Variants in ATXN3 observed in about 807,000 individuals in gnomAD.
ATXN3 encodes the protein ataxin 3, also known as ataxin-3.
In ATXN3, 28 loss-of-function variants were observed where a neutral mutation model predicts 58.2. The observed-to-expected ratio is 0.48, with a 90% CI of 0.36 to 0.66. ATXN3 has a LOEUF of 0.66. Among genes scored for constraint, ATXN3 ranks in the 30% least tolerant of loss-of-function variants. ATXN3 has a pLI of 0.00. For missense variants in ATXN3, 321 were observed against 422.1 expected (o/e 0.76, Z 2.10); for synonymous variants, 113 against 138.5 (o/e 0.82, Z 1.29).
chr14:92,099,870 CAGAAAGACA>C (rs199526025), intron 1 of ATXN3, among the ~76,000 whole-genome samples: 28 of 139,336 alleles, frequency 2.0e-4, no homozygotes, highest in Admixed American at 5.1e-4. Flanking sequence ...CCAAGAAAGA[CAGAAAGACA>C]AGAAAGACAA....
chr14:92,052,686 C>T (rs1366469581), upstream of ATXN3, among the ~76,000 whole-genome samples: 3 of 152,120 alleles, frequency 2.0e-5, no homozygotes, highest in Non-Finnish European at 4.4e-5. Flanking sequence ...TGCACACCAG[C>T]CAGCAGTCAG....
At chr14:92,086,131 G>C (rs1044077443) in intron 6 of ATXN3, among the ~76,000 whole-genome samples, 1 of 151,924 alleles carries the variant, frequency 6.6e-6, no homozygotes, top group African/African-American at 2.4e-5. Flanking sequence ...AAGATGGCTA[G>C]GCAAGGTGAC....
At chr14:92,072,466 G>A (rs188945804) in intron 9 of ATXN3, among the ~76,000 whole-genome samples, 3 of 152,238 alleles carry the variant, frequency 2.0e-5, no homozygotes, top group African/African-American at 7.2e-5. Flanking sequence ...CAAAAGAGGT[G>A]CTCAGTGGAA....
chr14:92,093,847 G>C lies in ATXN3; in HGVS notation c.235-16C>G. Reference sequence around the variant, plus strand: ...TGCTTATAACCTGTTAAGAAAAATAGCAACTTTTCATAAGCTAAACCACTC... The same window carrying C: ...TGCTTATAACCTGTTAAGAAAAATACCAACTTTTCATAAGCTAAACCACTC... On this transcript the variant is annotated splice_polypyrimidine_tract_variant and intron_variant, in intron 3 of 10. Coordinates refer to ENST00000644486, the MANE Select transcript of ATXN3 (RefSeq NM_004993.6). The C allele has an allele frequency of 6.5e-7, 1 of 1,541,464 alleles. No homozygotes were observed. The highest frequency in any genetic ancestry group is 9.0e-7 in the Non-Finnish European group (1 of 1,114,992).
At chr14:92,087,204 T>G (rs1184460508) in intron 6 of ATXN3, among the ~76,000 whole-genome samples, 1 of 152,186 alleles carries the variant, frequency 6.6e-6, no homozygotes, top group Non-Finnish European at 1.5e-5. Context: ...ATAAACACCT[T>G]GGAGGGTGGT....
chr14:92,096,501 G>A (rs990275870), intron 2 of ATXN3, 173 bp downstream of exon 2: 2 of 773,384 alleles, frequency 2.6e-6, no homozygotes, highest in Non-Finnish European at 4.0e-6. Flanking sequence ...CCGTGTGCCT[G>A]TAATCCCAGC....
intron 6 of ATXN3, among the ~76,000 whole-genome samples, chr14:92,084,907 A>G (rs763568106): frequency 2.6e-5 from 4 of 152,174 alleles, no homozygotes; most frequent in Non-Finnish European, 5.9e-5. Flanking sequence ...GGTGTTTGTT[A>G]TTGGATATCC....
chr14:92,088,212 G>T (rs1289287716), intron 6 of ATXN3, among the ~76,000 whole-genome samples: 1 of 152,104 alleles, frequency 6.6e-6, no homozygotes. Flanking sequence ...CGGACTACAG[G>T]CGTCCGCCAC....
intron 9 of ATXN3, among the ~76,000 whole-genome samples, chr14:92,076,280 T>C (rs1298440138): frequency 3.3e-5 from 5 of 151,912 alleles, no homozygotes; most frequent in African/African-American, 7.3e-5. Context: ...ACCCCCTCTC[T>C]ACTAAAAATA....
upstream of ATXN3, among the ~76,000 whole-genome samples, chr14:92,050,162 GTGTGTGTGGTGTCTGTGTGTTTGTA>G (rs1566883678): frequency 6.6e-6 from 1 of 151,882 alleles, no homozygotes; most frequent in Non-Finnish European, 1.5e-5. Context: ...GTGTGTGTGT[GTGTGTGTGGTGTCTGTGTGTTTGTA>G]TGTGTGTATA....
downstream of ATXN3, among the ~76,000 whole-genome samples, chr14:92,056,546 A>G (rs551614366): frequency 7.2e-5 from 11 of 152,330 alleles, no homozygotes; most frequent in African/African-American, 2.6e-4. Context: ...TTCCACTTAT[A>G]GGAGATACTT....
At chr14:92,106,467 A>C in intron 1 of ATXN3, 62 bp downstream of exon 1, 1 of 1,607,516 alleles carries the variant, frequency 6.2e-7, no homozygotes, top group Non-Finnish European at 8.5e-7. Flanking sequence ...AGAGGCGGTG[A>C]TGCCGCGCTC....
intron 2 of ATXN3, among the ~76,000 whole-genome samples, chr14:92,047,209 A>C (rs2140161539): frequency 6.6e-6 from 1 of 152,250 alleles, no homozygotes; most frequent in South Asian, 2.1e-4. Flanking sequence ...TCAAGAACGG[A>C]ATAGTGAGTT....
upstream of ATXN3, among the ~76,000 whole-genome samples, chr14:92,051,642 T>C (rs1404422978): frequency 2.0e-5 from 3 of 150,788 alleles, no homozygotes; most frequent in East Asian, 5.8e-4. Context: ...ATTTTAATTT[T>C]TTTTTTTTTT....
At chr14:92,084,158 G>A (rs1256765915) in intron 6 of ATXN3, among the ~76,000 whole-genome samples, 2 of 152,116 alleles carry the variant, frequency 1.3e-5, no homozygotes, top group African/African-American at 2.4e-5. Context: ...GTGATCATAC[G>A]AGTCGATACT....
upstream of ATXN3, among the ~76,000 whole-genome samples, chr14:92,052,003 G>A (rs1326375155): frequency 6.6e-6 from 1 of 151,304 alleles, no homozygotes; most frequent in African/African-American, 2.4e-5. Context: ...GGGATTATGT[G>A]AGCCACCGCA....
intron 6 of ATXN3, among the ~76,000 whole-genome samples, chr14:92,087,620 G>A (rs2062875617): frequency 6.6e-6 from 1 of 152,226 alleles, no homozygotes. Context: ...CAAGTATGAT[G>A]GAGGGAGAGA....
chr14:92,091,429 C>T (rs919280155), intron 5 of ATXN3, among the ~76,000 whole-genome samples: 4 of 149,174 alleles, frequency 2.7e-5, no homozygotes, highest in East Asian at 4.0e-4. Flanking sequence ...CCAGCCTGGG[C>T]GATAGAGCAA....
intron 1 of ATXN3, among the ~76,000 whole-genome samples, chr14:92,103,111 A>T (rs1355815276): frequency 1.1e-4 from 5 of 44,274 alleles, no homozygotes; most frequent in Non-Finnish European, 1.6e-4. Flanking sequence ...CAAGAGGATT[A>T]AAAAAAAAAA....
Sources: allele counts gnomAD v4.1 joint callset (sites outside exome capture counted in the v4.1 genomes callset), GRCh38; gene constraint gnomAD v4.1.1; transcripts MANE v1.5; gene names NCBI Gene and HGNC (gene_info 2026-07-23, HGNC 2026-07-21).